Variants in ELAPOR1 observed in about 807,000 individuals in gnomAD.
ELAPOR1 encodes endosome-lysosome associated apoptosis and autophagy regulator 1.
A neutral mutation model predicts 119.7 loss-of-function variants in ELAPOR1; 77 were observed. The ratio of observed to expected loss-of-function variants is 0.64; its 90% CI spans 0.54 to 0.78. The LOEUF is 0.78. Among genes scored for constraint, ELAPOR1 ranks in the 30% least tolerant of loss-of-function variants. The pLI is 0.00. For synonymous variants in ELAPOR1, 481 were observed against 487.2 expected (o/e 0.99, Z 0.17); for missense variants, 1,115 against 1,270.4 (o/e 0.88, Z 1.86).
At chr1:109,200,523 A>G (rs1280921863) in intron 20 of ELAPOR1, among the ~76,000 whole-genome samples, 1 of 152,190 alleles carries the variant, frequency 6.6e-6, no homozygotes, top group East Asian at 1.9e-4. Flanking sequence ...AAATTTTGAG[A>G]TCATAGAAAC....
At chr1:109,188,133 C>T (rs761546009) in intron 8 of ELAPOR1, 44 bp from the exon 9 acceptor site, 2 of 1,559,724 alleles carry the variant, frequency 1.3e-6, no homozygotes, top group East Asian at 4.5e-5. Context: ...CAAAGATGTC[C>T]TAAATCTCAC....
At position 109,183,586 on chromosome 1, in the gene ELAPOR1, T is replaced by TTTCTTCCTTCCTTCCTTCCCTCCCTCCC. The variant is rs1652865421; in HGVS notation, c.953-1458_953-1457insTCTTCCTTCCTTCCTTCCCTCCCTCCCT. On this transcript the variant is annotated intron_variant, in intron 7 of 21. Coordinates refer to ENST00000369939, the MANE Select transcript of ELAPOR1 (RefSeq NM_020775.5). ...CTTCCTTCCTTCCTTCCTTCCTTCCTTCCTTCCTTCCTTCCTTCCTTCCAT... is the reference window on the plus strand; with the variant it reads ...CTTCCTTCCTTCCTTCCTTCCTTCCTTTCTTCCTTCCTTCCTTCCCTCCCTCCCTCCTTCCTTCCTTCCTTCCTTCCAT... 1.1e-3 allele frequency among the ~76,000 whole-genome samples: 14 copies of TTTCTTCCTTCCTTCCTTCCCTCCCTCCC among 12,192 alleles called. 1 individual carries two copies. Among genetic ancestry groups the TTTCTTCCTTCCTTCCTTCCCTCCCTCCC allele is most frequent in the Admixed American group, 2.0e-3 (2 of 988 alleles). The allele number at this position is 12,192 out of a possible 152,430, so 8.0% of individuals were successfully genotyped here. A position where few individuals can be genotyped will look rare whatever the true frequency, so the allele number is the denominator to read the frequency against.
chr1:109,114,279 T>C lies in ELAPOR1; in HGVS notation c.96T>C (p.Ala32=). 6.2e-7 allele frequency: 1 copy of C among 1,600,456 alleles called. No individual in the cohort carries two copies. The highest frequency in any genetic ancestry group is 8.5e-7 in the Non-Finnish European group (1 of 1,173,802). Residue 32 remains alanine (A), a synonymous_variant, in exon 1 of 22, where the codon GCT becomes GCC. Transcript: ENST00000369939. ...IPRLWRLLLW[A]GTAFQVTQGT... ...GGCTGTGGCGGCTGCTGCTCTGGGC[T>C]GGGACCGCCTTCCAGGTGACCCAGG...
intron 1 of ELAPOR1, among the ~76,000 whole-genome samples, chr1:109,137,803 C>T (rs1341459075): frequency 6.6e-5 from 10 of 152,238 alleles, no homozygotes; most frequent in Non-Finnish European, 1.5e-4. Flanking sequence ...GCTGGGATTA[C>T]AGGCGTGAGC....
At chr1:109,186,091 G>T (rs1653027426) in intron 8 of ELAPOR1, among the ~76,000 whole-genome samples, 1 of 151,920 alleles carries the variant, frequency 6.6e-6, no homozygotes, top group Non-Finnish European at 1.5e-5. Flanking sequence ...AAAAAACCAG[G>T]ATTAGGAGAG....
At chr1:109,139,507 T>C (rs1649693888) in intron 1 of ELAPOR1, among the ~76,000 whole-genome samples, 1 of 152,118 alleles carries the variant, frequency 6.6e-6, no homozygotes, top group Non-Finnish European at 1.5e-5. Context: ...AGGAGAGTGC[T>C]CACTGGCCAG....
chr1:109,160,943 T>C (rs567716923), intron 1 of ELAPOR1, among the ~76,000 whole-genome samples: 11 of 152,374 alleles, frequency 7.2e-5, no homozygotes, highest in Non-Finnish European at 4.4e-5. Flanking sequence ...TTTGTTGTTA[T>C]TCCATTTATT....
rs1288702688 is a variant in ELAPOR1, at chr1:109,206,415, T to A, written c.*3403T>A. On this transcript the variant is annotated 3_prime_UTR_variant, in exon 22 of 22. Transcript: ENST00000369939. ...GGTAGAGGGAGTATGATAAAATGTT[T>A]AAATCTCATTTGGTTACCTTGAGTC... 2 of 152,228 alleles carry A rather than the reference T, an allele frequency of 1.3e-5. No individual in the cohort carries two copies. The highest frequency in any genetic ancestry group is 2.4e-5 in the African/African-American group (1 of 41,460). 9.4% of individuals were successfully genotyped at this position (152,228 alleles called of 1,614,324 possible).
rs548025658 is a variant in ELAPOR1, at chr1:109,114,936, A to G, written c.153+600A>G. Among the ~76,000 whole-genome samples the G allele has an allele frequency of 3.3e-5, 5 of 152,254 alleles. No homozygotes were observed. The East Asian group carries it at 9.6e-4, about 29-fold the overall frequency. On this transcript the variant is annotated intron_variant, in intron 1 of 21. Transcript: ENST00000369939. ...TAGCTTGGCCTCCCCGCAGCGTACT[A>G]TGTTTAGTGTACCTGACAGTACACG...
In ELAPOR1 at chr1:109,142,708, A is replaced by G. The variant is rs141950970; in HGVS notation, c.154-19186A>G. Among the ~76,000 whole-genome samples the G allele has an allele frequency of 5.3e-4, 80 of 152,346 alleles. 1 individual carries two copies. In the East Asian group the frequency reaches 0.011, roughly 21 times the overall value. ...GCCTTCATACATTGCTGGTGGGAAT[A>G]TAAAATGGTATCGCTGTTATGGAAC... On this transcript the variant is annotated intron_variant, in intron 1 of 21. Transcript: ENST00000369939.
intron 7 of ELAPOR1, among the ~76,000 whole-genome samples, chr1:109,175,441 A>G (rs12080038): frequency 0.45 from 67,173 of 150,368 alleles, 15,613 homozygotes; most frequent in African/African-American, 0.59. Flanking sequence ...ACCTCAGGTG[A>G]TCTGCCCACC....
At chr1:109,182,194 G>C (rs1402739637) in intron 7 of ELAPOR1, among the ~76,000 whole-genome samples, 1 of 152,142 alleles carries the variant, frequency 6.6e-6, no homozygotes, top group Non-Finnish European at 1.5e-5. Flanking sequence ...GCTGGATGTG[G>C]TGGTGCACAC....
chr1:109,132,217 A>G (rs183182435), intron 1 of ELAPOR1, among the ~76,000 whole-genome samples: 32 of 152,028 alleles, frequency 2.1e-4, no homozygotes, highest in African/African-American at 7.5e-4. Flanking sequence ...GCATGATCTC[A>G]GCTCACTGCA....
At chr1:109,155,137 C>T (rs1434462014) in intron 1 of ELAPOR1, among the ~76,000 whole-genome samples, 1 of 152,176 alleles carries the variant, frequency 6.6e-6, no homozygotes, top group South Asian at 2.1e-4. Context: ...AACAGGCCCT[C>T]AGTACGTGCT....
At chr1:109,176,591 G>A (rs1652298116) in intron 7 of ELAPOR1, among the ~76,000 whole-genome samples, 1 of 147,306 alleles carries the variant, frequency 6.8e-6, no homozygotes, top group South Asian at 2.2e-4. Flanking sequence ...AATGAGTGCA[G>A]TTTTCTTTTT....
rs1172404639 is a variant in ELAPOR1 at position 109,197,990 on chromosome 1, G to A, written c.2314G>A (p.Asp772Asn). ...LADRLIGVTT[D>N]MTLDGITSPA... ...CTCTAATTTGGCAGGGGTGACAACA[G>A]ATATGACTCTGGATGGAATCACCTC... The change falls in exon 17 of 22, where the codon GAT (aspartate) becomes AAT (asparagine). Residue 772 changes from aspartate to asparagine, a missense_variant. Asp to Asn is a conservative substitution (Grantham distance 23). Coordinates refer to ENST00000369939, the MANE Select transcript of ELAPOR1 (RefSeq NM_020775.5). 1 of 1,614,158 alleles carries A rather than the reference G, an allele frequency of 6.2e-7. No homozygotes were observed.
At chr1:109,135,304 C>T (rs1042691016) in intron 1 of ELAPOR1, among the ~76,000 whole-genome samples, 2 of 151,944 alleles carry the variant, frequency 1.3e-5, no homozygotes, top group Admixed American at 6.6e-5. Flanking sequence ...AGTGAAGTTG[C>T]GGGATCTCGG....
rs1647816045 is a variant in ELAPOR1, at chr1:109,114,276, G to C, written c.93G>C (p.Trp31Cys). The C allele has an allele frequency of 6.2e-7, 1 of 1,600,182 alleles. No homozygotes were observed. Among genetic ancestry groups the C allele is most frequent in the Non-Finnish European group, 8.5e-7 (1 of 1,173,686 alleles). ...RIPRLWRLLL[W>C]AGTAFQVTQG... ...CCCGGCTGTGGCGGCTGCTGCTCTGGGCTGGGACCGCCTTCCAGGTGACCC... is the reference window on the plus strand; with the variant it reads ...CCCGGCTGTGGCGGCTGCTGCTCTGCGCTGGGACCGCCTTCCAGGTGACCC... Residue 31 changes from tryptophan to cysteine, a missense_variant, in exon 1 of 22, where the codon TGG becomes TGC. By Grantham distance (215) the Trp-to-Cys change is radical. Coordinates refer to ENST00000369939, the MANE Select transcript of ELAPOR1 (RefSeq NM_020775.5).
chr1:109,170,740 C>T (rs2101056073), intron 3 of ELAPOR1, among the ~76,000 whole-genome samples: 1 of 152,322 alleles, frequency 6.6e-6, no homozygotes, highest in South Asian at 2.1e-4. Context: ...TCTGGAGGAT[C>T]TGTCCGCTGG....
Sources: gnomAD v4.1 joint callset for allele counts (sites outside exome capture counted in the v4.1 genomes callset) on GRCh38, gnomAD v4.1.1 for gene constraint, MANE v1.5 for transcripts, NCBI Gene and HGNC (gene_info 2026-07-23, HGNC 2026-07-21) for gene names.